Variants in TRANK1 observed in about 807,000 individuals in gnomAD.
TRANK1 encodes TPR and ankyrin repeat-containing protein 1.
In TRANK1, 198 loss-of-function variants were observed where a neutral mutation model predicts 266.0. The ratio of observed to expected loss-of-function variants is 0.74; its 90% CI spans 0.66 to 0.84. TRANK1 has a LOEUF of 0.84. TRANK1 is among the 40% of genes least tolerant of loss of function. The pLI, the probability that TRANK1 is intolerant of heterozygous loss-of-function variation, is 0.00. For missense variants in TRANK1, 3,326 were observed against 3,634.6 expected, an observed-to-expected ratio of 0.92 and a Z score of 2.18; for synonymous variants, 1,396 against 1,384.1, an observed-to-expected ratio of 1.01 and a Z score of -0.19.
chr3:36,894,355 T>C (rs938406724), intron 5 of TRANK1, among the ~76,000 whole-genome samples: 3 of 152,242 alleles, frequency 2.0e-5, no homozygotes, highest in African/African-American at 4.8e-5. Context: ...CTCACAGATC[T>C]ACCCTAGCAC....
intron 1 of TRANK1, among the ~76,000 whole-genome samples, chr3:36,936,338 A>C (rs143947216): frequency 1.2e-4 from 18 of 152,254 alleles, no homozygotes; most frequent in African/African-American, 4.3e-4. Context: ...ATTAAAAGTT[A>C]GCCAGGCATG....
At chr3:36,943,407 C>A (rs2080524560) in intron 1 of TRANK1, among the ~76,000 whole-genome samples, 2 of 151,604 alleles carry the variant, frequency 1.3e-5, no homozygotes, top group East Asian at 1.9e-4. Flanking sequence ...ACCTAGAAAC[C>A]CATACATAGG....
chr3:36,923,784 T>C (rs939084928), intron 1 of TRANK1, among the ~76,000 whole-genome samples: 2 of 152,010 alleles, frequency 1.3e-5, no homozygotes, highest in African/African-American at 2.4e-5. Context: ...GAAAGGTGAC[T>C]GTGTGGAAGC....
chr3:36,829,001 A>C (rs567726847), intron 23 of TRANK1, among the ~76,000 whole-genome samples: 48 of 152,322 alleles, frequency 3.2e-4, no homozygotes, highest in African/African-American at 1.1e-3. Flanking sequence ...AAAAGAAAAA[A>C]CATTCTGGAT....
Position 36,842,609 on chromosome 3 carries a change from T to C in TRANK1, c.5280+13A>G. The C allele has an allele frequency of 1.9e-6, 3 of 1,613,120 alleles. No homozygotes were observed. The highest frequency in any genetic ancestry group is 2.5e-6 in the Non-Finnish European group (3 of 1,179,454). On this transcript the variant is annotated intron_variant, in intron 18 of 23. Coordinates refer to ENST00000645898, the MANE Select transcript of TRANK1 (RefSeq NM_001329998.2). ...CACCAGTGACAAGGACCCCTCCTAG[T>C]CCAACCCCTTACCTTCCAGCACTGG...
chr3:36,888,657 C>A (rs965675501), intron 8 of TRANK1, among the ~76,000 whole-genome samples: 2 of 152,150 alleles, frequency 1.3e-5, no homozygotes, highest in African/African-American at 4.8e-5. Flanking sequence ...AGTAACCCAC[C>A]AGACCAGAAG....
Position 36,856,781 on chromosome 3 carries a change from G to A in TRANK1, c.2941C>T (p.Gln981Ter), listed in dbSNP as rs1559431810. ...TGAATTTTCATGTTAGCTGACACTT[G>A]GCCTTTATTGATACCTTTCAGCTTC... Reference protein sequence around the residue: ...RKKLKGINKGQVSANMKIQKR... With the variant: ...RKKLKGINKG The change falls in exon 13 of 24, where the codon CAA (glutamine) becomes TAA (stop). Residue 981 changes from glutamine (Q) to a stop codon, truncating the protein, a stop_gained. Coordinates refer to ENST00000645898, the MANE Select transcript of TRANK1 (RefSeq NM_001329998.2). LOFTEE classifies it high-confidence loss of function. The A allele has an allele frequency of 1.2e-6, 2 of 1,613,982 alleles. No individual in the cohort carries two copies. Among genetic ancestry groups the A allele is most frequent in the Non-Finnish European group, 8.5e-7 (1 of 1,179,900 alleles).
intron 7 of TRANK1, among the ~76,000 whole-genome samples, chr3:36,890,915 T>C (rs531566751): frequency 6.6e-6 from 1 of 152,352 alleles, no homozygotes; most frequent in South Asian, 2.1e-4. Context: ...TGGGGAATCA[T>C]GACATTCATA....
intron 22 of TRANK1, 102 bp from the exon 23 acceptor site, chr3:36,829,764 T>G: frequency 1.6e-6 from 2 of 1,264,670 alleles, no homozygotes; most frequent in Non-Finnish European, 2.2e-6. Flanking sequence ...AGCTGGTCTC[T>G]ATGTTTTCCC....
chr3:36,927,974 G>A (rs747772538), intron 1 of TRANK1, among the ~76,000 whole-genome samples: 5 of 152,108 alleles, frequency 3.3e-5, no homozygotes, highest in Non-Finnish European at 7.4e-5. Flanking sequence ...CTAAATTCTC[G>A]TGGAATTACT....
upstream of TRANK1, among the ~76,000 whole-genome samples, chr3:36,945,552 G>C (rs2080561423): frequency 6.6e-6 from 1 of 152,228 alleles, no homozygotes; most frequent in African/African-American, 2.4e-5. Flanking sequence ...TCACCGTCGT[G>C]TCCATGGAGA....
intron 8 of TRANK1, among the ~76,000 whole-genome samples, chr3:36,885,267 G>A (rs1440124186): frequency 6.6e-6 from 1 of 152,146 alleles, no homozygotes; most frequent in Non-Finnish European, 1.5e-5. Flanking sequence ...ATTCACTGAG[G>A]ATACAAAATC....
At chr3:36,929,804 A>G (rs2080336286) in intron 1 of TRANK1, among the ~76,000 whole-genome samples, 1 of 152,248 alleles carries the variant, frequency 6.6e-6, no homozygotes, top group Non-Finnish European at 1.5e-5. Flanking sequence ...CAATCTAATG[A>G]CAAGAACTCT....
chr3:36,924,314 G>C (rs1048445229), intron 1 of TRANK1, among the ~76,000 whole-genome samples: 10 of 152,124 alleles, frequency 6.6e-5, no homozygotes, highest in African/African-American at 2.4e-4. Context: ...TCCCTCAGCA[G>C]ACACAAGTGG....
intron 3 of TRANK1, 135 bp from the exon 4 acceptor site, chr3:36,899,394 C>A (rs536865202): frequency 4.2e-6 from 4 of 958,704 alleles, no homozygotes; most frequent in Non-Finnish European, 6.1e-6. Flanking sequence ...GTGGCTCATG[C>A]CTGTAATCCT....
At position 36,879,675 on chromosome 3, in the gene TRANK1, TATATAAATATATAAATATATAA is replaced by T. The variant is rs1490956382; in HGVS notation, c.908-5401_908-5380del. Among the ~76,000 whole-genome samples, 4 of 96,594 alleles carry T rather than the reference TATATAAATATATAAATATATAA, an allele frequency of 4.1e-5. 1 individual carries two copies. The East Asian group carries it at 1.6e-3, about 38-fold the overall frequency. The allele number at this position is 96,594 out of a possible 152,430, so 63.4% of individuals were successfully genotyped here. A position where few individuals can be genotyped will look rare whatever the true frequency, so the allele number is the denominator to read the frequency against. On this transcript the variant is annotated intron_variant, in intron 8 of 23. Transcript: ENST00000645898. ...ATATAAATATATAAATATATATAAA[TATATAAATATATAAATATATAA>T]ATATAAATATAAATATATAAATATA...
intron 4 of TRANK1, 137 bp from the exon 5 acceptor site, chr3:36,895,895 G>T: frequency 1.7e-6 from 1 of 575,470 alleles, no homozygotes; most frequent in South Asian, 2.4e-5. Context: ...TTTCAAAGTA[G>T]TATGAAGTCC....
rs62245251 is a variant in TRANK1 at position 36,831,028 on chromosome 3, C to T, written c.8555G>A (p.Gly2852Asp). The T allele has an allele frequency of 6.2e-7, 1 of 1,614,018 alleles. No homozygotes were observed. Among genetic ancestry groups the T allele is most frequent in the Non-Finnish European group, 8.5e-7 (1 of 1,179,892 alleles). ...CTCGATGTCCTGCACCACCAGCTTG[C>T]CTTCATCAATGGCCGGGTCCACCTT... ...HEKVDPAIDE[G>D]KLVVQDIEQS... Residue 2852 changes from glycine (G) to aspartate (D), a missense_variant, in exon 22 of 24, where the codon GGC becomes GAC. By Grantham distance (94) the Gly-to-Asp change is moderately conservative (BLOSUM62 -1). Coordinates refer to ENST00000645898, the MANE Select transcript of TRANK1 (RefSeq NM_001329998.2). The surrounding 1 kb of genome is among the most constrained non-coding windows in gnomAD (Gnocchi z 5.0).
At chr3:36,898,719 C>T (rs1418271202) in intron 4 of TRANK1, among the ~76,000 whole-genome samples, 2 of 151,518 alleles carry the variant, frequency 1.3e-5, no homozygotes, top group South Asian at 2.1e-4. Context: ...GGTGTGGTGG[C>T]GTGTGCCTGT....
Sources: allele counts gnomAD v4.1 joint callset (sites outside exome capture counted in the v4.1 genomes callset), GRCh38; gene constraint gnomAD v4.1.1; non-coding constraint Gnocchi (gnomAD v3.1); transcripts MANE v1.5; gene names NCBI Gene and HGNC (gene_info 2026-07-23, HGNC 2026-07-21).